Variants in TMEM255B observed in about 807,000 individuals in gnomAD.
The protein encoded by TMEM255B is transmembrane protein 255B.
In TMEM255B, 35 loss-of-function variants were observed where a neutral mutation model predicts 34.5. That is an observed-to-expected ratio of 1.01 (90% CI 0.77 to 1.34). The LOEUF (loss-of-function observed/expected upper bound fraction) is 1.34. Ranked by LOEUF, TMEM255B falls within the 40% of genes most tolerant of loss-of-function variation. The pLI, the probability that TMEM255B is intolerant of heterozygous loss-of-function variation, is 0.00. For synonymous variants in TMEM255B, 206 were observed against 201.2 expected (o/e 1.02, Z -0.20); for missense variants, 432 against 433.2 (o/e 1.00, Z 0.02).
At chr13:113,766,035 A>G in intron 1 of TMEM255B, 80 bp from the exon 2 acceptor site, 1 of 1,578,002 alleles carries the variant, frequency 6.3e-7, no homozygotes, top group Admixed American at 1.7e-5. Context: ...TGGGTAACGG[A>G]GCACGGCCCA....
At chr13:113,771,821 T>TA (rs2050483374) in intron 3 of TMEM255B, among the ~76,000 whole-genome samples, 1 of 152,252 alleles carries the variant, frequency 6.6e-6, no homozygotes, top group Non-Finnish European at 1.5e-5. Flanking sequence ...CATTTGTACA[T>TA]AGGTTTCTGT....
chr13:113,768,333 C>G lies in TMEM255B; in HGVS notation c.190-765C>G, dbSNP rs928616303. The stretch of plus-strand genomic sequence containing the variant: ...AATTCCTCTGCCAGGTGGGCGTCAC[C>G]TGCCAGGACGGGCCCTGGGTGGAGG... On this transcript the variant is annotated intron_variant, in intron 2 of 8. Transcript: ENST00000375353. 6.8e-6 allele frequency: 3 copies of G among 443,638 alleles called. No individual in the cohort carries two copies. The Admixed American group carries it at 7.2e-5, about 11-fold the overall frequency. The allele number at this position is 443,638 out of a possible 1,614,324, so 27.5% of individuals were successfully genotyped here.
chr13:113,774,222 C>T (rs2050522032), intron 3 of TMEM255B, among the ~76,000 whole-genome samples: 1 of 152,136 alleles, frequency 6.6e-6, no homozygotes, highest in Admixed American at 6.5e-5. Context: ...GGGATGAAAT[C>T]TGATCATTAG....
At position 113,770,322 on chromosome 13, in the gene TMEM255B, C is replaced by T. The variant is rs1422992668; in HGVS notation, c.252+1162C>T. Reference sequence around the variant, plus strand: ...ATGAGAACAGCACAGGAAAGATCTGCCCCCCATGATTCAACTGCCTTCCAC... The same window carrying T: ...ATGAGAACAGCACAGGAAAGATCTGTCCCCCATGATTCAACTGCCTTCCAC... On this transcript the variant is annotated intron_variant, in intron 3 of 8. Coordinates refer to ENST00000375353, the MANE Select transcript of TMEM255B (RefSeq NM_182614.4). The surrounding 1 kb of genome is among the most constrained non-coding windows in gnomAD (Gnocchi z 4.6). Among the ~76,000 whole-genome samples the T allele has an allele frequency of 6.6e-6, 1 of 152,116 alleles. No homozygotes were observed. The highest frequency in any genetic ancestry group is 6.6e-5 in the Admixed American group (1 of 15,266).
intron 3 of TMEM255B, among the ~76,000 whole-genome samples, chr13:113,794,437 C>T (rs370176306): frequency 4.6e-5 from 7 of 152,062 alleles, no homozygotes; most frequent in Admixed American, 1.3e-4. Flanking sequence ...ACTCATCCAT[C>T]GGGACGGAAC....
intron 1 of TMEM255B, among the ~76,000 whole-genome samples, chr13:113,764,035 G>A (rs1049712343): frequency 1.3e-5 from 2 of 152,218 alleles, no homozygotes; most frequent in African/African-American, 4.8e-5. Flanking sequence ...CCTGGGCCTC[G>A]GTCACTTGAG....
At chr13:113,764,657 CTCTG>C (rs112038503) in intron 1 of TMEM255B, among the ~76,000 whole-genome samples, 40 of 152,334 alleles carry the variant, frequency 2.6e-4, no homozygotes, top group African/African-American at 8.2e-4. Flanking sequence ...CAGCGTGTGC[CTCTG>C]TCTGTCTGGT....
At position 113,802,569 on chromosome 13, in the gene TMEM255B, C is replaced by T. The variant is rs927411660; in HGVS notation, c.669+757C>T. 3.3e-5 allele frequency among the ~76,000 whole-genome samples: 5 copies of T among 152,186 alleles called. No individual in the cohort carries two copies. In the East Asian group the frequency reaches 5.8e-4, roughly 18 times the overall value. ...GGCCTGGCAGCACCAGGCAGACGCA[C>T]ATCATGCAGGCCAGACCCGGCCCAG... On this transcript the variant is annotated intron_variant, in intron 7 of 8. Coordinates refer to ENST00000375353, the MANE Select transcript of TMEM255B (RefSeq NM_182614.4).
At chr13:113,759,597 CTT>C (rs2050261393) in intron 1 of TMEM255B, among the ~76,000 whole-genome samples, 1 of 152,210 alleles carries the variant, frequency 6.6e-6, no homozygotes, top group African/African-American at 2.4e-5. Context: ...CCTCCTCAGT[CTT>C]TGCCTTTCTC....
chr13:113,811,758 C>T lies in TMEM255B; in HGVS notation c.836C>T (p.Ala279Val), dbSNP rs772628798. Residue 279 changes from alanine (A) to valine (V), a missense_variant, in exon 9 of 9, where the codon GCG becomes GTG. Ala to Val is a moderately conservative substitution (Grantham distance 64). Transcript: ENST00000375353. ...PLQPCSRFPV[A>V]PSSALASSED... is the part of the protein sequence containing the mutation. ...CAGCCCTGCAGCCGCTTCCCAGTTG[C>T]GCCCTCCTCTGCCCTGGCTTCGTCT... 31 of 1,613,680 alleles carry T rather than the reference C, an allele frequency of 1.9e-5. No individual in the cohort carries two copies. The highest frequency in any genetic ancestry group is 1.1e-4 in the East Asian group (5 of 44,890).
At chr13:113,760,335 T>C (rs2050281538) in intron 1 of TMEM255B, among the ~76,000 whole-genome samples, 1 of 152,232 alleles carries the variant, frequency 6.6e-6, no homozygotes, top group Non-Finnish European at 1.5e-5. Context: ...GATTAGTCTA[T>C]TGGTGTTTAA....
chr13:113,768,062 A>G, intron 2 of TMEM255B: 2 of 397,066 alleles, frequency 5.0e-6, no homozygotes, highest in South Asian at 1.9e-5. Flanking sequence ...AACTATTTAC[A>G]TAAAGAAGTC....
chr13:113,764,981 C>T (rs545228078), intron 1 of TMEM255B, among the ~76,000 whole-genome samples: 151 of 152,288 alleles, frequency 9.9e-4, no homozygotes, highest in Non-Finnish European at 1.7e-3. Context: ...TGCAGTGGGT[C>T]CAAGACGGGG....
At chr13:113,787,264 C>T (rs1380940533) in intron 3 of TMEM255B, among the ~76,000 whole-genome samples, 1 of 152,180 alleles carries the variant, frequency 6.6e-6, no homozygotes, top group African/African-American at 2.4e-5. Flanking sequence ...AATTTGGTTG[C>T]TCTCCTTTAT....
intron 8 of TMEM255B, among the ~76,000 whole-genome samples, chr13:113,805,789 C>T (rs532509668): frequency 5.3e-5 from 8 of 152,260 alleles, no homozygotes; most frequent in Admixed American, 2.6e-4. Flanking sequence ...CTGGACGTGC[C>T]GTGTGCCCCC....
intron 1 of TMEM255B, among the ~76,000 whole-genome samples, chr13:113,759,574 C>T (rs2050260798): frequency 6.6e-6 from 1 of 152,204 alleles, no homozygotes; most frequent in Admixed American, 6.5e-5. Context: ...CTCTCTCGCT[C>T]TTTCTGTCTC....
chr13:113,794,392 C>T (rs1418838440), intron 3 of TMEM255B, among the ~76,000 whole-genome samples: 2 of 152,106 alleles, frequency 1.3e-5, no homozygotes, highest in Non-Finnish European at 2.9e-5. Flanking sequence ...CCGATGGGTT[C>T]TGCTTGTCAC....
chr13:113,790,659 C>G (rs1052116238), intron 3 of TMEM255B, among the ~76,000 whole-genome samples: 2 of 147,594 alleles, frequency 1.4e-5, no homozygotes, highest in African/African-American at 5.1e-5. Flanking sequence ...ACTGACCGGA[C>G]ACGTGGACAT....
intron 1 of TMEM255B, chr13:113,761,052 A>T: frequency 2.4e-6 from 1 of 418,852 alleles, no homozygotes; most frequent in Non-Finnish European, 3.2e-6. Context: ...TTCTTTGTTC[A>T]CTACCCTGGG....
Sources: gnomAD v4.1 joint callset for allele counts (sites outside exome capture counted in the v4.1 genomes callset) on GRCh38, gnomAD v4.1.1 for gene constraint, Gnocchi (gnomAD v3.1) non-coding constraint, MANE v1.5 for transcripts, NCBI Gene and HGNC (gene_info 2026-07-23, HGNC 2026-07-21) for gene names.